The following PTCH1 variants were observed in gnomAD, a reference collection of about 807,000 sequenced individuals.
PTCH1 encodes patched 1.
In PTCH1, 14 loss-of-function variants were observed where a neutral mutation model predicts 144.6. The ratio of observed to expected loss-of-function variants is 0.10; its 90% CI spans 0.06 to 0.15. The LOEUF (loss-of-function observed/expected upper bound fraction) is 0.15. Among genes scored for constraint, PTCH1 ranks in the 10% least tolerant of loss-of-function variants. The probability of loss-of-function intolerance (pLI) is 1.00; values close to 1 mark genes in which losing one functional copy is unlikely to be tolerated. For synonymous variants in PTCH1, 833 were observed against 793.6 expected (o/e 1.05, Z -0.83); for missense variants, 1,623 against 1,948.3 (o/e 0.83, Z 3.14).
At position 95,461,925 on chromosome 9, in the gene PTCH1, G is replaced by A. The variant is rs771732591; in HGVS notation, c.2634C>T (p.Asp878=). The stretch of plus-strand genomic sequence containing the variant: ...GGAGTTTGTAGGCAAGGACTCCATC[G>A]TCTGATCCATTCTTGTAATTGTTTG... ...IMPNNYKNGS[D]DGVLAYKLLV... The change falls in exon 16 of 24, where the codon GAC becomes GAT. Residue 878 remains aspartate, a synonymous_variant. Coordinates refer to ENST00000331920, the MANE Select transcript of PTCH1 (RefSeq NM_000264.5). 119 of 1,614,118 alleles carry A rather than the reference G, an allele frequency of 7.4e-5. No individual in the cohort carries two copies. The highest frequency in any genetic ancestry group is 1.3e-4 in the African/African-American group (10 of 74,942).
In PTCH1 at chr9:95,474,233, G is replaced by A. The variant is rs943608048; in HGVS notation, c.1728+1801C>T. ...AAGACAGTGAGCAAAAAGGCAAGCA[G>A]AAAAGAAGGGGAGAGGAGAGAGAAT... is the stretch of plus-strand genomic sequence containing the variant. On this transcript the variant is annotated intron_variant, in intron 12 of 23. Transcript: ENST00000331920. 17 of 332,006 alleles carry A rather than the reference G, an allele frequency of 5.1e-5. No individual in the cohort carries two copies. The Admixed American group carries it at 5.2e-4, about 10-fold the overall frequency. The allele number at this position is 332,006 out of a possible 1,614,324, so 20.6% of individuals were successfully genotyped here.
upstream of PTCH1, among the ~76,000 whole-genome samples, chr9:95,509,477 A>G (rs1467301795): frequency 2.0e-5 from 3 of 152,162 alleles, no homozygotes; most frequent in East Asian, 1.9e-4. Context: ...GCTTCGGGGC[A>G]GCCTCTGAGA....
Position 95,469,109 on chromosome 9 carries a change from G to A in PTCH1, c.1892C>T (p.Thr631Ile), listed in dbSNP as rs727504112. 2 of 1,614,008 alleles carry A rather than the reference G, an allele frequency of 1.2e-6. No homozygotes were observed. Among genetic ancestry groups the A allele is most frequent in the Non-Finnish European group, 1.7e-6 (2 of 1,180,050 alleles). Reference protein sequence around the residue: ...RVIQVEPQAYTDTHDNTRYSP... With the variant: ...RVIQVEPQAYIDTHDNTRYSP... ...GTAGCGGGTATTGTCGTGTGTGTCG[G>A]TGTAGGCCTGAGGTTCAACCTGAAT... The change falls in exon 14 of 24, where the codon ACC (threonine) becomes ATC (isoleucine). Residue 631 changes from threonine to isoleucine, a missense_variant. Coordinates refer to ENST00000331920, the MANE Select transcript of PTCH1 (RefSeq NM_000264.5).
chr9:95,479,015 C>A lies in PTCH1; in HGVS notation c.1200G>T (p.Gln400His), dbSNP rs1277111019. The A allele has an allele frequency of 3.1e-6, 5 of 1,614,122 alleles. No homozygotes were observed. The highest frequency in any genetic ancestry group is 4.2e-6 in the Non-Finnish European group (5 of 1,180,056). The change falls in exon 8 of 24, where the codon CAG (glutamine) becomes CAT (histidine). Residue 400 changes from glutamine (Q) to histidine (H), a missense_variant. Gln to His is a conservative substitution (Grantham distance 24). This residue lies in a region of PTCH1 where 230 missense variants were observed against 271.0 expected (regional missense o/e 0.85). Coordinates refer to ENST00000331920, the MANE Select transcript of PTCH1 (RefSeq NM_000264.5). ...GTGGGTTTACCTCCACATATGTCCT[C>A]TGCCAGGCCTCCAGGATGGCTGCCG... ...DKAAAILEAWQRTYVEVVHQS... is the reference protein window; with the variant it reads ...DKAAAILEAWHRTYVEVVHQS...
In PTCH1 at chr9:95,508,894, G is replaced by T; in HGVS notation, c.-533C>A. The T allele has an allele frequency of 1.1e-6, 1 of 912,408 alleles. No individual in the cohort carries two copies. Among genetic ancestry groups the T allele is most frequent in the Non-Finnish European group, 1.3e-6 (1 of 763,848 alleles). The allele number at this position is 912,408 out of a possible 1,614,324, so 56.5% of individuals were successfully genotyped here. A position where few individuals can be genotyped will look rare whatever the true frequency, so the allele number is the denominator to read the frequency against. Reference sequence around the variant, plus strand: ...AAGCGCAGAGCCGCCGCCGCCGCGGGGTCCGAGGGTGCCCGGCGGGTCTCA... The same window carrying T: ...AAGCGCAGAGCCGCCGCCGCCGCGGTGTCCGAGGGTGCCCGGCGGGTCTCA... On this transcript the variant is annotated 5_prime_UTR_variant, in exon 1 of 24. Transcript: ENST00000331920.
intron 2 of PTCH1, among the ~76,000 whole-genome samples, chr9:95,498,798 C>T (rs966342694): frequency 6.6e-6 from 1 of 152,184 alleles, no homozygotes; most frequent in East Asian, 1.9e-4. Context: ...GAGAGAATCC[C>T]GCAGAGCTTC....
At chr9:95,485,248 G>T (rs1371009105) in intron 3 of PTCH1, among the ~76,000 whole-genome samples, 1 of 152,156 alleles carries the variant, frequency 6.6e-6, no homozygotes, top group Non-Finnish European at 1.5e-5. Flanking sequence ...TCCCATGGTG[G>T]CTCAGCCCCC....
At chr9:95,456,146 G>A in intron 19 of PTCH1, 130 bp downstream of exon 19, 3 of 1,382,350 alleles carry the variant, frequency 2.2e-6, no homozygotes, top group South Asian at 1.3e-5. Flanking sequence ...TCTCCTAGGG[G>A]GCCCCTGTGC....
At position 95,480,477 on chromosome 9, in the gene PTCH1, C is replaced by T. The variant is rs2118419020; in HGVS notation, c.858G>A (p.Glu286=). 1 of 1,612,712 alleles carries T rather than the reference C, an allele frequency of 6.2e-7. No individual in the cohort carries two copies. The highest frequency in any genetic ancestry group is 8.5e-7 in the Non-Finnish European group (1 of 1,179,864). The stretch of plus-strand genomic sequence containing the variant: ...GGCGGTCCATGTAACCATGACCAAC[C>T]TCAGCCTTATTCAGCATTTCCTCCC... The part of the protein sequence containing the change: ...DSWEEMLNKA[E]VGHGYMDRPC... Residue 286 remains glutamate, a synonymous_variant, in exon 6 of 24, where the codon GAG becomes GAA. Coordinates refer to ENST00000331920, the MANE Select transcript of PTCH1 (RefSeq NM_000264.5).
intron 3 of PTCH1, among the ~76,000 whole-genome samples, chr9:95,485,457 G>A (rs1229644197): frequency 1.3e-5 from 2 of 152,150 alleles, no homozygotes; most frequent in South Asian, 2.1e-4. Flanking sequence ...ACAGTGCCAA[G>A]ATACTTACTG....
In PTCH1 at chr9:95,458,274, G is replaced by T. The variant is rs748318700; in HGVS notation, c.2907C>A (p.Ile969=). Residue 969 remains isoleucine, a synonymous_variant, in exon 18 of 24, where the codon ATC becomes ATA. Transcript: ENST00000331920. The surrounding 1 kb of genome is among the most constrained non-coding windows in gnomAD (Gnocchi z 4.7). The part of the protein sequence containing the change: ...TRLRIPAAEP[I]EYAQFPFYLN... ...GGTAGAAAGGGAACTGGGCATACTC[G>T]ATGGGCTCTGCTGCCGGGACTGGAC... The T allele has an allele frequency of 6.2e-7, 1 of 1,613,780 alleles. No homozygotes were observed. Among genetic ancestry groups the T allele is most frequent in the African/African-American group, 1.3e-5 (1 of 74,902 alleles).
At chr9:95,512,571 C>T (rs1382055299), upstream of PTCH1, among the ~76,000 whole-genome samples, 1 of 152,298 alleles carries the variant, frequency 6.6e-6, no homozygotes, top group Non-Finnish European at 1.5e-5. Flanking sequence ...CATGCGAGTG[C>T]GACATTCCCA....
Position 95,447,352 on chromosome 9 carries a change from G to A in PTCH1, c.3904C>T (p.Pro1302Ser), listed in dbSNP as rs747093389. Residue 1302 changes from proline to serine, a missense_variant, in exon 23 of 24, where the codon CCC becomes TCC. By Grantham distance (74) the Pro-to-Ser change is moderately conservative. Coordinates refer to ENST00000331920, the MANE Select transcript of PTCH1 (RefSeq NM_000264.5). ...SLPPGRQGQQ[P>S]RRDPPREGLW... Reference sequence around the variant, plus strand: ...CCTTCTCTGGGGGGGTCCCTGCGGGGCTGCTGGCCTTGCCGTCCGGGAGGC... The same window carrying A: ...CCTTCTCTGGGGGGGTCCCTGCGGGACTGCTGGCCTTGCCGTCCGGGAGGC... 6 of 1,613,408 alleles carry A rather than the reference G, an allele frequency of 3.7e-6. No individual in the cohort carries two copies. The highest frequency in any genetic ancestry group is 1.7e-5 in the Admixed American group (1 of 59,996).
chr9:95,488,733 A>C (rs1030584292), intron 2 of PTCH1, among the ~76,000 whole-genome samples: 1 of 152,234 alleles, frequency 6.6e-6, no homozygotes, highest in African/African-American at 2.4e-5. Context: ...CAAGCAAAAC[A>C]ATAAGATACC....
chr9:95,449,426 C>T lies in PTCH1; in HGVS notation c.3550-103G>A. 6.8e-7 allele frequency: 1 copy of T among 1,465,520 alleles called. No homozygotes were observed. Among genetic ancestry groups the T allele is most frequent in the Non-Finnish European group, 9.2e-7 (1 of 1,082,952 alleles). 90.8% of individuals were successfully genotyped at this position (1,465,520 alleles called of 1,614,324 possible). A position where few individuals can be genotyped will look rare whatever the true frequency, so the allele number is the denominator to read the frequency against. On this transcript the variant is annotated intron_variant, in intron 21 of 23. Transcript: ENST00000331920. This position sits in a 1 kb window ranked among gnomAD's most constrained non-coding sequence, Gnocchi z 5.3. ...TTTTTCAGGGGCCTCTGTTCCCTGC[C>T]CTGGGGCCCTGCGCACTGTGCCGTA... is the stretch of plus-strand genomic sequence containing the variant.
upstream of PTCH1, among the ~76,000 whole-genome samples, chr9:95,513,889 C>A (rs568291213): frequency 6.6e-6 from 1 of 152,186 alleles, no homozygotes; most frequent in South Asian, 2.1e-4. Context: ...GCTAATTACC[C>A]CTGATCTCCT....
At chr9:95,473,937 C>T (rs1266411059) in intron 12 of PTCH1, 1 of 380,478 alleles carries the variant, frequency 2.6e-6, no homozygotes, top group Non-Finnish European at 5.3e-6. Context: ...CAATTTTCTA[C>T]AGTGATACTG....
rs187104739 is a variant in PTCH1 at position 95,447,115 on chromosome 9, C to T, written c.4141G>A (p.Val1381Met). The change falls in exon 23 of 24, where the codon GTG becomes ATG. Residue 1381 changes from valine to methionine, a missense_variant. Physicochemically the swap from Val to Met is conservative, Grantham distance 21. This residue lies in a region of PTCH1 where 291 missense variants were observed against 287.4 expected (regional missense o/e 1.01). Transcript: ENST00000331920. ...GGCCCAGGGACAGGCGGCGGGTGCA[C>T]GGCGACAGTCACGGAGGCAGAAGCC... ...VTASASVTVA[V>M]HPPPVPGPGR... The T allele has an allele frequency of 4.0e-5, 65 of 1,613,422 alleles. No individual in the cohort carries two copies. Among genetic ancestry groups the T allele is most frequent in the Non-Finnish European group, 4.8e-5 (57 of 1,179,948 alleles).
chr9:95,446,689 TAGCAGTGGGGGAAGAG>T (rs1474685087), intron 23 of PTCH1: 1 of 632,378 alleles, frequency 1.6e-6, no homozygotes, highest in Non-Finnish European at 2.8e-6. Context: ...CTCCGCAGGT[TAGCAGTGGGGGAAGAG>T]AGCAGTGTGG....
Sources: gnomAD v4.1 joint callset for allele counts (sites outside exome capture counted in the v4.1 genomes callset) on GRCh38, gnomAD v4.1.1 for gene constraint, gnomAD v4.1.1 regional missense constraint, Gnocchi (gnomAD v3.1) non-coding constraint, MANE v1.5 for transcripts, NCBI Gene and HGNC (gene_info 2026-07-23, HGNC 2026-07-21) for gene names.